Variants in NKAIN3 observed in about 807,000 individuals in gnomAD.
NKAIN3 encodes the protein sodium/potassium-transporting ATPase subunit beta-1-interacting protein 3.
In NKAIN3, 25 loss-of-function variants were observed where a neutral mutation model predicts 30.2. The observed-to-expected ratio is 0.83, with a 90% CI of 0.60 to 1.16. The LOEUF (loss-of-function observed/expected upper bound fraction) is 1.16. Among genes scored for constraint, NKAIN3 ranks in the 50% most tolerant of loss-of-function variants. NKAIN3 has a pLI of 0.00. For synonymous variants in NKAIN3, 91 were observed against 89.6 expected (o/e 1.02, Z -0.09); for missense variants, 225 against 254.1 (o/e 0.89, Z 0.78).
At chr8:62,600,568 C>T (rs983381707) in intron 3 of NKAIN3, among the ~76,000 whole-genome samples, 3 of 152,008 alleles carry the variant, frequency 2.0e-5, no homozygotes, top group Non-Finnish European at 4.4e-5. Flanking sequence ...TGCTTCCTTC[C>T]GAAGGTCACT....
chr8:62,592,954 A>C (rs547680231), intron 3 of NKAIN3, among the ~76,000 whole-genome samples: 31 of 152,100 alleles, frequency 2.0e-4, no homozygotes, highest in African/African-American at 7.5e-4. Flanking sequence ...TGAGGTAAAA[A>C]CTGGCAATAT....
intron 3 of NKAIN3, among the ~76,000 whole-genome samples, chr8:62,690,790 G>A (rs1813943323): frequency 6.6e-6 from 1 of 152,164 alleles, no homozygotes; most frequent in Non-Finnish European, 1.5e-5. Context: ...GCTAACCTCT[G>A]GGAAAGTGTA....
At chr8:62,492,364 C>G (rs1807098003) in intron 1 of NKAIN3, among the ~76,000 whole-genome samples, 1 of 152,090 alleles carries the variant, frequency 6.6e-6, no homozygotes. Flanking sequence ...TATAGATGCC[C>G]AAGCCCCACC....
intron 4 of NKAIN3, among the ~76,000 whole-genome samples, chr8:62,850,231 C>A (rs960846127): frequency 2.0e-5 from 3 of 152,002 alleles, no homozygotes; most frequent in African/African-American, 7.2e-5. Context: ...TTTCATGTGT[C>A]TTTTGGCTGC....
At chr8:62,776,241 A>G (rs1483897902) in intron 4 of NKAIN3, among the ~76,000 whole-genome samples, 1 of 151,702 alleles carries the variant, frequency 6.6e-6, no homozygotes, top group Non-Finnish European at 1.5e-5. Flanking sequence ...CAGCCACCAT[A>G]TGTCTTTTGT....
chr8:62,878,265 T>G (rs775569776), intron 4 of NKAIN3, among the ~76,000 whole-genome samples: 1 of 152,116 alleles, frequency 6.6e-6, no homozygotes, highest in South Asian at 2.1e-4. Context: ...TCTGACCTTT[T>G]ACAAAATCCC....
At chr8:62,595,603 C>T (rs146661709) in intron 3 of NKAIN3, among the ~76,000 whole-genome samples, 4 of 151,890 alleles carry the variant, frequency 2.6e-5, no homozygotes, top group African/African-American at 7.3e-5. Context: ...TTTTAGTGAG[C>T]TCTCTGATTG....
At chr8:62,690,820 G>A (rs1351518705) in intron 3 of NKAIN3, among the ~76,000 whole-genome samples, 2 of 152,152 alleles carry the variant, frequency 1.3e-5, no homozygotes, top group Non-Finnish European at 2.9e-5. Flanking sequence ...GCTTCACCGC[G>A]CAGTATCTAC....
intron 3 of NKAIN3, among the ~76,000 whole-genome samples, chr8:62,684,764 C>T (rs1039490726): frequency 6.6e-6 from 1 of 152,100 alleles, no homozygotes; most frequent in Non-Finnish European, 1.5e-5. Flanking sequence ...GGGGTGGGCC[C>T]TAATCCACCA....
At chr8:62,943,785 AT>A (rs1823044235) in intron 5 of NKAIN3, among the ~76,000 whole-genome samples, 1 of 147,968 alleles carries the variant, frequency 6.8e-6, no homozygotes, top group Non-Finnish European at 1.5e-5. Flanking sequence ...GGTATAATAT[AT>A]TTTTATTTTT....
intron 4 of NKAIN3, chr8:62,857,025 C>T (rs1378962916): frequency 1.9e-6 from 1 of 513,612 alleles, no homozygotes; most frequent in African/African-American, 2.0e-5. Context: ...AGGTTCTCTT[C>T]TTGTTCTTCT....
intron 1 of NKAIN3, among the ~76,000 whole-genome samples, chr8:62,262,587 A>T (rs1812476075): frequency 6.6e-6 from 1 of 152,124 alleles, no homozygotes; most frequent in African/African-American, 2.4e-5. Context: ...ATGCAGGGCC[A>T]ATTAGAGGGA....
intron 1 of NKAIN3, among the ~76,000 whole-genome samples, chr8:62,374,642 T>A (rs1331239543): frequency 6.6e-6 from 1 of 152,248 alleles, no homozygotes. Flanking sequence ...AGCTTCACAT[T>A]GTTTAACTAT....
At chr8:62,867,082 G>C (rs1586287583) in intron 4 of NKAIN3, among the ~76,000 whole-genome samples, 1 of 118,588 alleles carries the variant, frequency 8.4e-6, no homozygotes, top group South Asian at 2.7e-4. Flanking sequence ...AAACTGTTTT[G>C]TTTTGCTTTG....
At chr8:62,949,013 G>A (rs1437429266) in intron 5 of NKAIN3, among the ~76,000 whole-genome samples, 2 of 152,216 alleles carry the variant, frequency 1.3e-5, no homozygotes, top group African/African-American at 4.8e-5. Context: ...GGAAACATTA[G>A]CACTTAGACT....
At chr8:62,864,263 C>A in intron 4 of NKAIN3, 1 of 1,031,330 alleles carries the variant, frequency 9.7e-7, no homozygotes, top group Non-Finnish European at 1.5e-6. Context: ...CCGAGGCAGA[C>A]GGCAAAGGAC....
chr8:62,622,182 C>A (rs1811637568), intron 3 of NKAIN3, among the ~76,000 whole-genome samples: 1 of 151,902 alleles, frequency 6.6e-6, no homozygotes, highest in Non-Finnish European at 1.5e-5. Context: ...TTTGTTTAAC[C>A]ATTTACCAAA....
At chr8:62,816,075 G>A (rs1408776843) in intron 4 of NKAIN3, among the ~76,000 whole-genome samples, 1 of 152,158 alleles carries the variant, frequency 6.6e-6, no homozygotes, top group Non-Finnish European at 1.5e-5. Flanking sequence ...GTTCCTTTGA[G>A]AGTGTCATGT....
chr8:62,750,228 G>A (rs1816232537), intron 4 of NKAIN3, among the ~76,000 whole-genome samples: 1 of 152,020 alleles, frequency 6.6e-6, no homozygotes, highest in Admixed American at 6.6e-5. Flanking sequence ...TAACCTAGGG[G>A]AGGGACTGAC....
Sources: allele counts gnomAD v4.1 joint callset (sites outside exome capture counted in the v4.1 genomes callset), GRCh38; gene constraint gnomAD v4.1.1; transcripts MANE v1.5; gene names NCBI Gene and HGNC (gene_info 2026-07-23, HGNC 2026-07-21).